ROBO2: variants seen among roughly 807,000 people sequenced by gnomAD.
ROBO2 encodes the protein roundabout homolog 2.
A neutral mutation model predicts 160.8 loss-of-function variants in ROBO2; 53 were observed. The observed-to-expected ratio is 0.33, with a 90% confidence interval of 0.26 to 0.41. The LOEUF (loss-of-function observed/expected upper bound fraction) is 0.41. Ranked by LOEUF, ROBO2 falls within the 10% of genes least tolerant of loss-of-function variation. ROBO2 has a pLI of 1.00. For synonymous variants in ROBO2, 664 were observed against 611.7 expected (o/e 1.09, Z -1.26); for missense variants, 1,577 against 1,722.4 (o/e 0.92, Z 1.49).
At chr3:76,039,310 T>C (rs1175728285) in intron 2 of ROBO2, among the ~76,000 whole-genome samples, 1 of 151,962 alleles carries the variant, frequency 6.6e-6, no homozygotes, top group Non-Finnish European at 1.5e-5. Context: ...ATGGGTTGAA[T>C]TGAGAAAATA....
intron 2 of ROBO2, among the ~76,000 whole-genome samples, chr3:75,973,344 A>C (rs1245337611): frequency 1.3e-5 from 2 of 151,706 alleles, no homozygotes; most frequent in Non-Finnish European, 3.0e-5. Context: ...GCTTCAGTAC[A>C]AACTTTCCAG....
At chr3:76,813,255 A>T (rs1421554035) in intron 2 of ROBO2, among the ~76,000 whole-genome samples, 1 of 152,046 alleles carries the variant, frequency 6.6e-6, no homozygotes. Flanking sequence ...TGAAACTTTA[A>T]CCTTCATTGA....
At chr3:76,069,518 A>C (rs1162446371) in intron 2 of ROBO2, among the ~76,000 whole-genome samples, 2 of 102,714 alleles carry the variant, frequency 1.9e-5, no homozygotes, top group Non-Finnish European at 3.8e-5. Flanking sequence ...CAGCAGGCTT[A>C]TTGCTAGTTT....
chr3:76,275,146 T>C (rs1415589238), intron 2 of ROBO2, among the ~76,000 whole-genome samples: 1 of 152,164 alleles, frequency 6.6e-6, no homozygotes, highest in Non-Finnish European at 1.5e-5. Flanking sequence ...AGAGTGTCAA[T>C]GCGAAGTGCT....
At chr3:76,801,268 G>C (rs186689492) in intron 2 of ROBO2, among the ~76,000 whole-genome samples, 73 of 152,268 alleles carry the variant, frequency 4.8e-4, no homozygotes, top group African/African-American at 1.7e-3. Flanking sequence ...GGGAAGGGTC[G>C]TGTGGGAGTG....
intron 2 of ROBO2, among the ~76,000 whole-genome samples, chr3:76,250,414 C>A (rs1441157434): frequency 1.3e-5 from 2 of 151,968 alleles, no homozygotes; most frequent in African/African-American, 4.8e-5. Context: ...CATTAGAGAG[C>A]AAAAATCACA....
intron 2 of ROBO2, among the ~76,000 whole-genome samples, chr3:77,330,072 C>T (rs540635947): frequency 6.6e-6 from 1 of 152,136 alleles, no homozygotes; most frequent in South Asian, 2.1e-4. Context: ...CCATTTACTC[C>T]TCTCCTCTAC....
At chr3:77,641,419 C>T (rs1196691078) in intron 24 of ROBO2, among the ~76,000 whole-genome samples, 4 of 152,126 alleles carry the variant, frequency 2.6e-5, no homozygotes, top group East Asian at 1.9e-4. Flanking sequence ...TTGAAAGGAG[C>T]GGCTTAGCTG....
At chr3:76,981,737 G>C (rs2060109837) in intron 2 of ROBO2, among the ~76,000 whole-genome samples, 1 of 152,162 alleles carries the variant, frequency 6.6e-6, no homozygotes, top group African/African-American at 2.4e-5. Context: ...AGGAAGCATA[G>C]TGCTGACATC....
intron 2 of ROBO2, among the ~76,000 whole-genome samples, chr3:76,816,593 G>A (rs2065686004): frequency 6.6e-6 from 1 of 151,918 alleles, no homozygotes; most frequent in South Asian, 2.1e-4. Flanking sequence ...TTGCTCTAAT[G>A]CCAACCATTA....
intron 2 of ROBO2, among the ~76,000 whole-genome samples, chr3:77,291,239 G>C (rs564468027): frequency 6.6e-6 from 1 of 151,910 alleles, no homozygotes; most frequent in East Asian, 1.9e-4. Flanking sequence ...AAGACATAAA[G>C]TAAAATTGAC....
chr3:77,224,930 A>G (rs1341031079), intron 2 of ROBO2, among the ~76,000 whole-genome samples: 1 of 151,948 alleles, frequency 6.6e-6, no homozygotes, highest in Non-Finnish European at 1.5e-5. Context: ...AAATATAGGA[A>G]AAGTTTTAAA....
rs564875242 is a variant in ROBO2 at position 76,994,599 on chromosome 3, TG to T, written c.110-103414del. On this transcript the variant is annotated intron_variant, in intron 2 of 26. Coordinates refer to the ROBO2 transcript ENST00000487694. Reference sequence around the variant, plus strand: ...GGATAGCAAGTAAGAAATTCTTATTTGTTTTTTTAGCAAATCTTTACTGAAG... The same window carrying T: ...GGATAGCAAGTAAGAAATTCTTATTTTTTTTTTAGCAAATCTTTACTGAAG... Among the ~76,000 whole-genome samples the T allele has an allele frequency of 1.2e-3, 180 of 152,334 alleles. 1 individual carries two copies. The highest frequency in any genetic ancestry group is 3.6e-3 in the African/African-American group (148 of 41,584).
At chr3:76,012,345 G>T (rs935039712) in intron 2 of ROBO2, among the ~76,000 whole-genome samples, 1 of 152,190 alleles carries the variant, frequency 6.6e-6, no homozygotes, top group South Asian at 2.1e-4. Flanking sequence ...TATGCCTTTA[G>T]TATATTAAAA....
intron 2 of ROBO2, among the ~76,000 whole-genome samples, chr3:76,966,258 T>G (rs1028147396): frequency 4.6e-5 from 7 of 152,146 alleles, no homozygotes; most frequent in African/African-American, 1.4e-4. Context: ...GGACTTAAAG[T>G]GCAGACACTG....
intron 2 of ROBO2, among the ~76,000 whole-genome samples, chr3:76,271,221 A>G (rs1258019735): frequency 1.3e-5 from 2 of 152,094 alleles, no homozygotes; most frequent in Non-Finnish European, 2.9e-5. Context: ...ATGACTGATT[A>G]GGTGACTGCA....
At chr3:76,856,251 A>G (rs907487030) in intron 2 of ROBO2, among the ~76,000 whole-genome samples, 2 of 152,222 alleles carry the variant, frequency 1.3e-5, no homozygotes, top group East Asian at 3.8e-4. Flanking sequence ...ATTATTTACA[A>G]CCTGCCTTTA....
chr3:77,104,006 A>C (rs893036264), intron 2 of ROBO2, among the ~76,000 whole-genome samples: 4 of 152,216 alleles, frequency 2.6e-5, no homozygotes, highest in African/African-American at 9.6e-5. Context: ...AAGATAAATT[A>C]AATTGCAAAA....
At position 76,136,140 on chromosome 3, in the gene ROBO2, C is replaced by T. The variant is rs943287642; in HGVS notation, c.109+198538C>T. ...CTGAGTTTTAGTGTTCTTGTGTATCCATTGGGTTTAATACTCTCTTGACAG... is the reference window on the plus strand; with the variant it reads ...CTGAGTTTTAGTGTTCTTGTGTATCTATTGGGTTTAATACTCTCTTGACAG... On this transcript the variant is annotated intron_variant, in intron 2 of 26. Coordinates refer to the ROBO2 transcript ENST00000487694. 1.3e-5 allele frequency among the ~76,000 whole-genome samples: 2 copies of T among 152,096 alleles called. 1 individual carries two copies. Among genetic ancestry groups the T allele is most frequent in the South Asian group, 4.1e-4 (2 of 4,822 alleles).
Sources: gnomAD v4.1 joint callset for allele counts (sites outside exome capture counted in the v4.1 genomes callset) on GRCh38, gnomAD v4.1.1 for gene constraint, MANE v1.5 for transcripts, NCBI Gene and HGNC (gene_info 2026-07-23, HGNC 2026-07-21) for gene names.